Variants in SNX1 observed in about 807,000 individuals in gnomAD.
SNX1 encodes the protein sorting nexin 1.
In SNX1, 36 loss-of-function variants were observed where a neutral mutation model predicts 71.8. That is an observed-to-expected ratio of 0.50 (90% CI 0.38 to 0.66). The LOEUF (loss-of-function observed/expected upper bound fraction) is 0.66. Ranked by LOEUF, SNX1 falls within the 30% of genes least tolerant of loss-of-function variation. The pLI is 0.00. For synonymous variants in SNX1, 254 were observed against 240.7 expected, an observed-to-expected ratio of 1.06 and a Z score of -0.51; for missense variants, 612 against 646.7, an observed-to-expected ratio of 0.95 and a Z score of 0.58.
At chr15:64,105,072 T>C (rs2081006215) in intron 1 of SNX1, among the ~76,000 whole-genome samples, 1 of 151,682 alleles carries the variant, frequency 6.6e-6, no homozygotes, top group Admixed American at 6.6e-5. Flanking sequence ...CTGTCTCTAC[T>C]AAAAATACAA....
rs10678400 is a variant in SNX1, at chr15:64,140,979, G to GATAT, written c.*3362_*3363insTATA. The GATAT allele has an allele frequency of 0.71, 93,704 of 131,064 alleles. 29,843 individuals carry two copies. Among genetic ancestry groups the GATAT allele is most frequent in the East Asian group, 0.79 (3,911 of 4,932 alleles). 8.1% of individuals were successfully genotyped at this position (131,064 alleles called of 1,614,324 possible). On this transcript the variant is annotated 3_prime_UTR_variant, in exon 15 of 15. Transcript: ENST00000559844. ...CTAGGCTCTCACCATACAGTGCAAA[G>GATAT]AGATGATAGATAGATAGATAGATAG... is the stretch of plus-strand genomic sequence containing the variant.
chr15:64,118,085 A>G (rs1567323873), intron 2 of SNX1, 32 bp from the exon 3 acceptor site: 1 of 1,607,676 alleles, frequency 6.2e-7, no homozygotes, highest in Middle Eastern at 1.8e-4. Context: ...CTCATTACTG[A>G]CCTTCATTTT....
chr15:64,102,761 CTTT>C (rs60616312), intron 1 of SNX1, among the ~76,000 whole-genome samples: 7 of 76,430 alleles, frequency 9.2e-5, no homozygotes, highest in Non-Finnish European at 1.4e-4. Flanking sequence ...ACCACGCCTT[CTTT>C]TTTTTTTTTT....
intron 1 of SNX1, among the ~76,000 whole-genome samples, chr15:64,105,096 G>T (rs963120202): frequency 6.6e-6 from 1 of 151,610 alleles, no homozygotes; most frequent in Non-Finnish European, 1.5e-5. Flanking sequence ...TTAGCCAGGC[G>T]TGGTGGTGCG....
intron 2 of SNX1, among the ~76,000 whole-genome samples, chr15:64,117,307 T>C (rs1257283510): frequency 1.3e-5 from 2 of 152,146 alleles, no homozygotes; most frequent in Non-Finnish European, 2.9e-5. Context: ...CAGGCTGAAG[T>C]GCAGTGGCGC....
Position 64,118,122 on chromosome 15 carries a change from A to G in SNX1, c.277A>G (p.Thr93Ala). Residue 93 changes from threonine (T) to alanine (A), a missense_variant, in exon 3 of 15, where the codon ACA becomes GCA. Transcript: ENST00000559844. ...AAATATCAACTTCATTTTAGATGCC[A>G]CAGTGGAGCTATCCTTGGACAGCAC... ...QEPQDLFADA[T>A]VELSLDSTQN... is the part of the protein sequence containing the mutation. 2.5e-6 allele frequency: 4 copies of G among 1,611,604 alleles called. No individual in the cohort carries two copies. The highest frequency in any genetic ancestry group is 1.7e-6 in the Non-Finnish European group (2 of 1,179,324).
At chr15:64,132,895 A>C (rs147800028) in intron 11 of SNX1, among the ~76,000 whole-genome samples, 2 of 152,190 alleles carry the variant, frequency 1.3e-5, no homozygotes, top group Non-Finnish European at 2.9e-5. Context: ...TCTACCTGCT[A>C]TGTAATTCTT....
chr15:64,120,642 ACT>A (rs1284741428), intron 4 of SNX1, among the ~76,000 whole-genome samples: 1 of 151,936 alleles, frequency 6.6e-6, no homozygotes, highest in East Asian at 1.9e-4. Flanking sequence ...CAAGACCATG[ACT>A]CTACAAAAAG....
chr15:64,116,795 TA>T (rs955239579), intron 2 of SNX1, among the ~76,000 whole-genome samples: 1 of 152,226 alleles, frequency 6.6e-6, no homozygotes, highest in African/African-American at 2.4e-5. Context: ...TTTATTTGCA[TA>T]AAAAATTTTA....
intron 8 of SNX1, among the ~76,000 whole-genome samples, chr15:64,128,868 A>G (rs191575270): frequency 1.3e-5 from 2 of 152,052 alleles, no homozygotes; most frequent in African/African-American, 2.4e-5. Context: ...AGATCCAGGT[A>G]GCACCCCCTC....
intron 1 of SNX1, among the ~76,000 whole-genome samples, chr15:64,096,699 A>T (rs1405904992): frequency 6.6e-6 from 1 of 152,188 alleles, no homozygotes; most frequent in Admixed American, 6.5e-5. Context: ...GATTCTTCTG[A>T]TCTCTAGGAA....
At chr15:64,119,591 G>A (rs975870296) in intron 4 of SNX1, among the ~76,000 whole-genome samples, 1 of 152,028 alleles carries the variant, frequency 6.6e-6, no homozygotes, top group African/African-American at 2.4e-5. Context: ...AGGCATGGTG[G>A]TGTGCGCCTA....
rs1567330356 is a variant in SNX1, at chr15:64,129,960, C to T, written c.852C>T (p.Leu284=). The T allele has an allele frequency of 6.2e-7, 1 of 1,614,118 alleles. No individual in the cohort carries two copies. Among genetic ancestry groups the T allele is most frequent in the Non-Finnish European group, 8.5e-7 (1 of 1,180,024 alleles). ...CCCAGACATTGAGTGGTGCTGGTCT[C>T]CTCAAGATGTTCAACAAAGCCACAG... The part of the protein sequence containing the change: ...VGTQTLSGAG[L]LKMFNKATDA... Residue 284 remains leucine, a synonymous_variant, in exon 9 of 15, where the codon CTC becomes CTT. Transcript: ENST00000559844. This position sits in a 1 kb window ranked among gnomAD's most constrained non-coding sequence, Gnocchi z 4.4.
At chr15:64,097,473 A>T (rs1487563188) in intron 1 of SNX1, among the ~76,000 whole-genome samples, 7 of 152,116 alleles carry the variant, frequency 4.6e-5, no homozygotes, top group Non-Finnish European at 1.0e-4. Context: ...AGTTAACGTA[A>T]GTTGACCTCA....
chr15:64,143,124 CG>C lies in SNX1; in HGVS notation c.*5509del, dbSNP rs1405118248. On this transcript the variant is annotated 3_prime_UTR_variant, in exon 15 of 15. Transcript: ENST00000559844. ...TGGCAGCCTAGGGGGAAGGGGAGGG[CG>C]GGAGAAGATAATGGGGATCCCTGGC... 4 of 165,444 alleles carry C rather than the reference CG, an allele frequency of 2.4e-5. No individual in the cohort carries two copies. The highest frequency in any genetic ancestry group is 9.6e-5 in the African/African-American group (4 of 41,478). The allele number at this position is 165,444 out of a possible 1,614,324, so 10.2% of individuals were successfully genotyped here. A position where few individuals can be genotyped will look rare whatever the true frequency, so the allele number is the denominator to read the frequency against.
chr15:64,114,048 C>T (rs2081105080), intron 2 of SNX1, among the ~76,000 whole-genome samples: 1 of 152,130 alleles, frequency 6.6e-6, no homozygotes, highest in Admixed American at 6.5e-5. Flanking sequence ...TTGGGAGGAC[C>T]TTAGACATTA....
At chr15:64,124,806 T>C (rs2081233480) in intron 5 of SNX1, among the ~76,000 whole-genome samples, 1 of 152,172 alleles carries the variant, frequency 6.6e-6, no homozygotes, top group Non-Finnish European at 1.5e-5. Context: ...AAACTGTTTT[T>C]TAAAGTCTTT....
At chr15:64,112,708 T>C (rs1200532033) in intron 2 of SNX1, 24 bp downstream of exon 2, 1 of 1,463,714 alleles carries the variant, frequency 6.8e-7, no homozygotes, top group Non-Finnish European at 9.5e-7. Context: ...CAAAAGTTAC[T>C]CTAGGAACCT....
intron 1 of SNX1, among the ~76,000 whole-genome samples, chr15:64,102,520 C>T (rs2140130632): frequency 6.6e-6 from 1 of 152,224 alleles, no homozygotes; most frequent in African/African-American, 2.4e-5. Context: ...CCAACTTCTC[C>T]TCATCCTGCC....
Sources: allele counts gnomAD v4.1 joint callset (sites outside exome capture counted in the v4.1 genomes callset), GRCh38; gene constraint gnomAD v4.1.1; non-coding constraint Gnocchi (gnomAD v3.1); transcripts MANE v1.5; gene names NCBI Gene and HGNC (gene_info 2026-07-23, HGNC 2026-07-21).